SLIT3: variants seen among roughly 807,000 people sequenced by gnomAD.
SLIT3 encodes slit guidance ligand 3.
A neutral mutation model predicts 184.0 loss-of-function variants in SLIT3; 68 were observed. The ratio of observed to expected loss-of-function variants is 0.37; its 90% CI spans 0.30 to 0.45. The LOEUF (loss-of-function observed/expected upper bound fraction) is 0.45. Among genes scored for constraint, SLIT3 ranks in the 20% least tolerant of loss-of-function variants. The pLI, the probability that SLIT3 is intolerant of heterozygous loss-of-function variation, is 1.00. For missense variants in SLIT3, 1,707 were observed against 2,026.0 expected, an observed-to-expected ratio of 0.84 and a Z score of 3.02; for synonymous variants, 831 against 828.6, an observed-to-expected ratio of 1.00 and a Z score of -0.05.
chr5:168,718,882 G>C (rs1484495826), intron 23 of SLIT3, among the ~76,000 whole-genome samples: 2 of 152,008 alleles, frequency 1.3e-5, no homozygotes, highest in African/African-American at 4.8e-5. Flanking sequence ...CTGGGTCTCT[G>C]GTCATTTCTG....
At chr5:169,034,746 A>AT (rs60312988) in intron 4 of SLIT3, among the ~76,000 whole-genome samples, 21,067 of 142,180 alleles carry the variant, frequency 0.15, 1,723 homozygotes, top group East Asian at 0.42. Flanking sequence ...ATTTCCTATG[A>AT]TTTTTTTTTT....
At chr5:168,943,573 A>G (rs1762386159) in intron 4 of SLIT3, among the ~76,000 whole-genome samples, 1 of 152,246 alleles carries the variant, frequency 6.6e-6, no homozygotes, top group Admixed American at 6.5e-5. Flanking sequence ...CATTATCTGT[A>G]AAATCAGTAT....
chr5:169,283,999 C>T (rs777626654), intron 1 of SLIT3, among the ~76,000 whole-genome samples: 3 of 152,144 alleles, frequency 2.0e-5, no homozygotes, highest in Non-Finnish European at 2.9e-5. Flanking sequence ...GGAAAGTGAA[C>T]CCCCGTGACC....
chr5:169,268,985 G>A (rs942451553), intron 1 of SLIT3, among the ~76,000 whole-genome samples: 5 of 152,294 alleles, frequency 3.3e-5, no homozygotes, highest in African/African-American at 1.2e-4. Context: ...ATGGGAAAGT[G>A]AGGTCCAGAG....
chr5:168,663,846 G>T lies in SLIT3; in HGVS notation c.*2608C>A, dbSNP rs1561861513. 1 of 152,216 alleles carries T rather than the reference G, an allele frequency of 6.6e-6. No individual in the cohort carries two copies. Among genetic ancestry groups the T allele is most frequent in the Non-Finnish European group, 1.5e-5 (1 of 68,044 alleles). The allele number at this position is 152,216 out of a possible 1,614,324, so 9.4% of individuals were successfully genotyped here. ...CTCTGGACAGCCACTTCCATTGCTTGTATTGCCACTTAAGAGCTCCTTGTG... is the reference window on the plus strand; with the variant it reads ...CTCTGGACAGCCACTTCCATTGCTTTTATTGCCACTTAAGAGCTCCTTGTG... On this transcript the variant is annotated 3_prime_UTR_variant, in exon 36 of 36. Coordinates refer to ENST00000519560, the MANE Select transcript of SLIT3 (RefSeq NM_003062.4).
chr5:169,053,026 C>T (rs1316953929), intron 4 of SLIT3, among the ~76,000 whole-genome samples: 4 of 152,178 alleles, frequency 2.6e-5, no homozygotes, highest in African/African-American at 9.7e-5. Context: ...ACCGGATGAA[C>T]CACATCAGAA....
chr5:168,804,471 T>C (rs1756889109), intron 9 of SLIT3, among the ~76,000 whole-genome samples: 1 of 151,900 alleles, frequency 6.6e-6, no homozygotes, highest in African/African-American at 2.4e-5. Flanking sequence ...GAGAAGTAGG[T>C]GAGGACTAAG....
rs188344018 is a variant in SLIT3, at chr5:169,119,015, T to A, written c.413+74464A>T. 1.5e-3 allele frequency among the ~76,000 whole-genome samples: 226 copies of A among 146,598 alleles called. 2 individuals carry two copies. The highest frequency in any genetic ancestry group is 2.3e-3 in the Non-Finnish European group (152 of 65,128). The stretch of plus-strand genomic sequence containing the variant: ...TTATATTTATCCCTAAGTGTTAAAT[T>A]TTTCCCAAAGTCCCACGACCGCTTA... On this transcript the variant is annotated intron_variant, in intron 4 of 35. Transcript: ENST00000519560.
rs1411249225 is a variant in SLIT3, at chr5:168,749,708, C to T, written c.1974-73G>A. On this transcript the variant is annotated intron_variant, in intron 18 of 35. Coordinates refer to ENST00000519560, the MANE Select transcript of SLIT3 (RefSeq NM_003062.4). ...CGGCCCTGGGATCTGCTGCCCAGAGCCCAGCTCTCCTAGCCAGGAAGGAGG... is the reference window on the plus strand; with the variant it reads ...CGGCCCTGGGATCTGCTGCCCAGAGTCCAGCTCTCCTAGCCAGGAAGGAGG... The T allele has an allele frequency of 3.3e-6, 5 of 1,520,172 alleles. 1 individual carries two copies. Among genetic ancestry groups the T allele is most frequent in the Non-Finnish European group, 3.6e-6 (4 of 1,102,874 alleles). The allele number at this position is 1,520,172 out of a possible 1,614,324, so 94.2% of individuals were successfully genotyped here.
intron 4 of SLIT3, among the ~76,000 whole-genome samples, chr5:169,125,922 T>G (rs1201590397): frequency 6.6e-6 from 1 of 152,170 alleles, no homozygotes; most frequent in Non-Finnish European, 1.5e-5. Context: ...AGCTGAAATA[T>G]GCTTTCAGCC....
At chr5:169,248,158 A>AG (rs1308011112) in intron 2 of SLIT3, among the ~76,000 whole-genome samples, 1 of 152,138 alleles carries the variant, frequency 6.6e-6, no homozygotes, top group African/African-American at 2.4e-5. Context: ...GTGCTCCTTA[A>AG]GGCCCAGGGG....
At chr5:169,074,695 A>C (rs1758673637) in intron 4 of SLIT3, among the ~76,000 whole-genome samples, 2 of 152,060 alleles carry the variant, frequency 1.3e-5, no homozygotes, top group South Asian at 4.2e-4. Context: ...GGGACTCATA[A>C]CTCTGGCTCC....
chr5:168,880,326 G>A (rs953340991), intron 5 of SLIT3, among the ~76,000 whole-genome samples: 1 of 152,136 alleles, frequency 6.6e-6, no homozygotes, highest in Admixed American at 6.5e-5. Context: ...CATGCTCCTC[G>A]CAGTCAAGGC....
intron 31 of SLIT3, among the ~76,000 whole-genome samples, chr5:168,684,698 G>A (rs904453255): frequency 6.6e-6 from 1 of 152,026 alleles, no homozygotes; most frequent in Non-Finnish European, 1.5e-5. Flanking sequence ...TTGAACTCCC[G>A]ACCTAAAATG....
At chr5:168,946,585 C>A (rs1034587152) in intron 4 of SLIT3, among the ~76,000 whole-genome samples, 1 of 152,198 alleles carries the variant, frequency 6.6e-6, no homozygotes, top group Non-Finnish European at 1.5e-5. Flanking sequence ...ATGGCAGGGA[C>A]CACCTGGCTC....
intron 14 of SLIT3, among the ~76,000 whole-genome samples, chr5:168,766,696 T>C (rs1755357697): frequency 6.6e-6 from 1 of 152,236 alleles, no homozygotes; most frequent in Non-Finnish European, 1.5e-5. Flanking sequence ...GCCTGGTCCC[T>C]GCCATGTTAG....
intron 8 of SLIT3, among the ~76,000 whole-genome samples, chr5:168,808,224 G>C (rs1228121662): frequency 6.6e-6 from 1 of 152,102 alleles, no homozygotes; most frequent in African/African-American, 2.4e-5. Flanking sequence ...TTCTCCTAGA[G>C]AGAGTGGTGA....
At chr5:168,672,388 CT>C in intron 33 of SLIT3, among the ~76,000 whole-genome samples, 1 of 152,268 alleles carries the variant, frequency 6.6e-6, no homozygotes, top group Admixed American at 6.5e-5. Context: ...GTTTTGGTAG[CT>C]TTTTTTACAC....
chr5:168,830,069 G>A (rs965301545), intron 6 of SLIT3, among the ~76,000 whole-genome samples: 3 of 152,232 alleles, frequency 2.0e-5, no homozygotes, highest in African/African-American at 4.8e-5. Context: ...GCCTACTGCT[G>A]ATGACCAGGC....
Sources: gnomAD v4.1 joint callset for allele counts (sites outside exome capture counted in the v4.1 genomes callset) on GRCh38, gnomAD v4.1.1 for gene constraint, MANE v1.5 for transcripts, NCBI Gene and HGNC (gene_info 2026-07-23, HGNC 2026-07-21) for gene names.